The following SGIP1 variants were observed in gnomAD, a reference collection of about 807,000 sequenced individuals.
The protein encoded by SGIP1 is SH3GL interacting endocytic adaptor 1.
SGIP1 carries 38 observed loss-of-function variants against 107.5 expected under a neutral mutation model. The ratio of observed to expected loss-of-function variants is 0.35; its 90% CI spans 0.27 to 0.46. SGIP1 has a LOEUF of 0.46. SGIP1 is among the 20% of genes least tolerant of loss of function. The pLI, the probability that SGIP1 is intolerant of heterozygous loss-of-function variation, is 1.00. For missense variants in SGIP1, 929 were observed against 1,019.5 expected (o/e 0.91, Z 1.21); for synonymous variants, 365 against 366.1 (o/e 1.00, Z 0.03).
chr1:66,543,882 A>G (rs2055647119), intron 1 of SGIP1, among the ~76,000 whole-genome samples: 1 of 152,222 alleles, frequency 6.6e-6, no homozygotes, highest in African/African-American at 2.4e-5. Context: ...AGTGTGGTGC[A>G]GATGCCAGTT....
At chr1:66,536,827 T>C (rs553323574) in intron 1 of SGIP1, among the ~76,000 whole-genome samples, 1 of 152,306 alleles carries the variant, frequency 6.6e-6, no homozygotes, top group South Asian at 2.1e-4. Flanking sequence ...AAAACATATA[T>C]TTGCACTCGT....
intron 8 of SGIP1, among the ~76,000 whole-genome samples, chr1:66,662,143 A>G (rs2081622001): frequency 6.6e-6 from 1 of 152,238 alleles, no homozygotes; most frequent in Admixed American, 6.5e-5. Context: ...ACCCTAAAGC[A>G]TTTAAAAAAC....
Position 66,739,546 on chromosome 1 carries a change from C to T in SGIP1, c.2234+9C>T. On this transcript the variant is annotated intron_variant, in intron 22 of 24. Coordinates refer to ENST00000371037, the MANE Select transcript of SGIP1 (RefSeq NM_032291.4). Reference sequence around the variant, plus strand: ...CTCCCACCAGCAGTCTGGTATGAAGCCTCCTATTCTCTCCACCAAAGGGCT... The same window carrying T: ...CTCCCACCAGCAGTCTGGTATGAAGTCTCCTATTCTCTCCACCAAAGGGCT... The T allele has an allele frequency of 1.2e-6, 2 of 1,613,098 alleles. No homozygotes were observed. Among genetic ancestry groups the T allele is most frequent in the Non-Finnish European group, 1.7e-6 (2 of 1,179,944 alleles).
At chr1:66,719,476 A>G (rs768166200) in intron 19 of SGIP1, 71 bp downstream of exon 19, 1 of 1,191,298 alleles carries the variant, frequency 8.4e-7, no homozygotes, top group Non-Finnish European at 1.2e-6. Context: ...CCTAAATACA[A>G]CCTTTTCATT....
chr1:66,705,651 A>G (rs1330809789), intron 18 of SGIP1, among the ~76,000 whole-genome samples: 2 of 152,310 alleles, frequency 1.3e-5, no homozygotes, highest in East Asian at 1.9e-4. Context: ...TTCTCCAATC[A>G]TATTTATCAG....
rs532353871 is a variant in SGIP1 at position 66,576,312 on chromosome 1, C to T, written c.10+41944C>T. Among the ~76,000 whole-genome samples, 19 of 152,292 alleles carry T rather than the reference C, an allele frequency of 1.2e-4. No homozygotes were observed. The South Asian group carries it at 3.7e-3, about 30-fold the overall frequency. ...AAGTGAAATAATTGTAACCATGTAG[C>T]TTCCCATTGCTGAGCCCAAGTAGTT... is the stretch of plus-strand genomic sequence containing the variant. On this transcript the variant is annotated intron_variant, in intron 1 of 24. Coordinates refer to ENST00000371037, the MANE Select transcript of SGIP1 (RefSeq NM_032291.4).
At chr1:66,606,726 G>A (rs1173903480) in intron 1 of SGIP1, among the ~76,000 whole-genome samples, 2 of 152,194 alleles carry the variant, frequency 1.3e-5, no homozygotes, top group African/African-American at 4.8e-5. Flanking sequence ...TCTCTGCCAA[G>A]ATAATTTATC....
rs540496703 is a variant in SGIP1, at chr1:66,560,956, T to C, written c.10+26588T>C. On this transcript the variant is annotated intron_variant, in intron 1 of 24. Coordinates refer to ENST00000371037, the MANE Select transcript of SGIP1 (RefSeq NM_032291.4). ...GCATAGAGTAAGCCCGTTGTAAGTG[T>C]TAACACATTTATATTTTTATATGCC... Among the ~76,000 whole-genome samples, 5 of 152,192 alleles carry C rather than the reference T, an allele frequency of 3.3e-5. No individual in the cohort carries two copies. In the South Asian group the frequency reaches 1.0e-3, roughly 32 times the overall value.
At position 66,589,368 on chromosome 1, in the gene SGIP1, A is replaced by G. The variant is rs915893145; in HGVS notation, c.11-36479A>G. ...TTAAATAATTTGGGCACAAAAAAAAAAAAGAAATTCTGTTCTTAACCCCAA... is the reference window on the plus strand; with the variant it reads ...TTAAATAATTTGGGCACAAAAAAAAGAAAGAAATTCTGTTCTTAACCCCAA... On this transcript the variant is annotated intron_variant, in intron 1 of 24. Transcript: ENST00000371037. 5.3e-5 allele frequency among the ~76,000 whole-genome samples: 8 copies of G among 151,680 alleles called. No individual in the cohort carries two copies. The East Asian group carries it at 5.8e-4, about 11-fold the overall frequency.
At chr1:66,589,200 A>ATGTGTGTGTG (rs1456595605) in intron 1 of SGIP1, among the ~76,000 whole-genome samples, 13 of 54,474 alleles carry the variant, frequency 2.4e-4, no homozygotes, top group South Asian at 1.4e-3. Context: ...ATATATATAT[A>ATGTGTGTGTG]TATATATATA....
chr1:66,657,711 A>G (rs993614842), intron 7 of SGIP1, among the ~76,000 whole-genome samples: 11 of 152,064 alleles, frequency 7.2e-5, no homozygotes, highest in Non-Finnish European at 1.6e-4. Context: ...TTCTTAGACT[A>G]TTGGACAAAA....
At chr1:66,599,156 G>T (rs555532459) in intron 1 of SGIP1, among the ~76,000 whole-genome samples, 1 of 152,084 alleles carries the variant, frequency 6.6e-6, no homozygotes, top group East Asian at 1.9e-4. Context: ...GGACATAAAT[G>T]CTCAAGTTAC....
At position 66,639,792 on chromosome 1, in the gene SGIP1, G is replaced by A. The variant is rs1237484609; in HGVS notation, c.187G>A (p.Ala63Thr). 1.2e-6 allele frequency: 2 copies of A among 1,611,242 alleles called. No homozygotes were observed. The highest frequency in any genetic ancestry group is 1.3e-5 in the African/African-American group (1 of 74,824). ...GKKVSKKSNG[A>T]PNGFYAEIDW... ...TTTATTACAGAAGAAAAGCAATGGGGCACCAAATGGATTTTATGCGGAAAT... is the reference window on the plus strand; with the variant it reads ...TTTATTACAGAAGAAAAGCAATGGGACACCAAATGGATTTTATGCGGAAAT... Residue 63 changes from alanine to threonine, a missense_variant, in exon 5 of 25, where the codon GCA becomes ACA. By Grantham distance (58) the Ala-to-Thr change is moderately conservative (BLOSUM62 0). Around this residue, in one of 2 missense-constraint regions of SGIP1, gnomAD observed 588 missense variants for 588.6 expected, o/e 1.00. Coordinates refer to ENST00000371037, the MANE Select transcript of SGIP1 (RefSeq NM_032291.4).
Position 66,743,290 on chromosome 1 carries a change from G to T in SGIP1, c.*195G>T. The T allele has an allele frequency of 2.1e-6, 1 of 475,792 alleles. No homozygotes were observed. Among genetic ancestry groups the T allele is most frequent in the Non-Finnish European group, 3.7e-6 (1 of 267,480 alleles). 29.5% of individuals were successfully genotyped at this position (475,792 alleles called of 1,614,324 possible). A position where few individuals can be genotyped will look rare whatever the true frequency, so the allele number is the denominator to read the frequency against. On this transcript the variant is annotated 3_prime_UTR_variant, in exon 25 of 25. Coordinates refer to ENST00000371037, the MANE Select transcript of SGIP1 (RefSeq NM_032291.4). ...CCAGTCCTACAGTATTTACTTCTAG[G>T]TGTAATATTGTTAATGGTTTTAAAA... is the stretch of plus-strand genomic sequence containing the variant.
At chr1:66,682,394 T>G (rs2086936701) in intron 15 of SGIP1, 25 bp downstream of exon 15, 2 of 1,580,940 alleles carry the variant, frequency 1.3e-6, no homozygotes, top group African/African-American at 1.4e-5. Context: ...TGAGTGTGCT[T>G]CTTGTGACGG....
intron 7 of SGIP1, among the ~76,000 whole-genome samples, chr1:66,655,186 G>A (rs2079500162): frequency 6.6e-6 from 1 of 151,924 alleles, no homozygotes; most frequent in African/African-American, 2.4e-5. Context: ...CTTCACGGTG[G>A]TCTTCAAGAG....
At chr1:66,593,942 A>G (rs1442776626) in intron 1 of SGIP1, among the ~76,000 whole-genome samples, 1 of 152,240 alleles carries the variant, frequency 6.6e-6, no homozygotes, top group Non-Finnish European at 1.5e-5. Flanking sequence ...TTCTTAAAGA[A>G]TAGAACACAT....
intron 5 of SGIP1, among the ~76,000 whole-genome samples, chr1:66,642,518 T>C (rs552472608): frequency 6.6e-6 from 1 of 152,324 alleles, no homozygotes; most frequent in South Asian, 2.1e-4. Flanking sequence ...TTATCACCCA[T>C]GTTGCTTAGC....
At chr1:66,608,871 G>T (rs1461087664) in intron 1 of SGIP1, among the ~76,000 whole-genome samples, 1 of 151,850 alleles carries the variant, frequency 6.6e-6, no homozygotes, top group East Asian at 1.9e-4. Context: ...TATTTTTAGG[G>T]TGTTTGCTGT....
Sources: gnomAD v4.1 joint callset for allele counts (sites outside exome capture counted in the v4.1 genomes callset) on GRCh38, gnomAD v4.1.1 for gene constraint, gnomAD v4.1.1 regional missense constraint, MANE v1.5 for transcripts, NCBI Gene and HGNC (gene_info 2026-07-23, HGNC 2026-07-21) for gene names.